Variants in EYS observed in about 807,000 individuals in gnomAD.
EYS encodes protein eyes shut homolog.
Under a neutral mutation model 282.1 loss-of-function variants are expected in EYS, and 250 were observed. That is an observed-to-expected ratio of 0.89 (90% CI 0.80 to 0.98). The LOEUF is 0.98. Among genes scored for constraint, EYS ranks in the 50% least tolerant of loss-of-function variants. EYS has a pLI of 0.00. For missense variants in EYS, 4,016 were observed against 3,709.0 expected, an observed-to-expected ratio of 1.08 and a Z score of -2.15; for synonymous variants, 1,355 against 1,282.9, an observed-to-expected ratio of 1.06 and a Z score of -1.20.
intron 22 of EYS, among the ~76,000 whole-genome samples, chr6:64,682,748 A>G (rs77197856): frequency 0.036 from 5,413 of 152,220 alleles, 158 homozygotes; most frequent in East Asian, 0.14. Context: ...GCCTTCACAT[A>G]CCCACTTGGA....
chr6:64,612,366 G>A lies in EYS; in HGVS notation c.3684+5052C>T, dbSNP rs867561723. Among the ~76,000 whole-genome samples, 5 of 152,198 alleles carry A rather than the reference G, an allele frequency of 3.3e-5. No individual in the cohort carries two copies. In the Middle Eastern group the frequency reaches 0.014, roughly 414 times the overall value. ...GCATGGAGATCAATCTTGTTTGGCA[G>A]AATTTCATTTACTGAGGAAGAAATG... On this transcript the variant is annotated intron_variant, in intron 24 of 42. Coordinates refer to ENST00000503581, the MANE Select transcript of EYS (RefSeq NM_001142800.2).
chr6:64,580,234 A>G (rs1766016439), intron 26 of EYS, among the ~76,000 whole-genome samples: 1 of 152,122 alleles, frequency 6.6e-6, no homozygotes, highest in Non-Finnish European at 1.5e-5. Flanking sequence ...TATGTCTATT[A>G]ACATATAACT....
chr6:65,703,360 T>C (rs1399214491), intron 1 of EYS, among the ~76,000 whole-genome samples: 1 of 152,152 alleles, frequency 6.6e-6, no homozygotes, highest in Non-Finnish European at 1.5e-5. Context: ...TAAGAAAATA[T>C]GTGAGCAATA....
intron 22 of EYS, among the ~76,000 whole-genome samples, chr6:64,682,697 A>G (rs556131931): frequency 6.6e-6 from 1 of 152,206 alleles, no homozygotes; most frequent in East Asian, 1.9e-4. Flanking sequence ...GAAAGAAGAC[A>G]GTCTGTGAAG....
At chr6:64,906,011 A>G (rs1767815618) in intron 16 of EYS, among the ~76,000 whole-genome samples, 1 of 151,644 alleles carries the variant, frequency 6.6e-6, no homozygotes, top group South Asian at 2.1e-4. Flanking sequence ...TCTTAATTAA[A>G]TAATCTAATT....
intron 23 of EYS, among the ~76,000 whole-genome samples, chr6:64,619,383 C>G (rs1767374737): frequency 6.6e-6 from 1 of 152,106 alleles, no homozygotes; most frequent in Non-Finnish European, 1.5e-5. Context: ...TTCAAGAGTA[C>G]TGCATAGGAG....
chr6:64,420,728 A>G (rs768622415), intron 28 of EYS, among the ~76,000 whole-genome samples: 5 of 152,172 alleles, frequency 3.3e-5, no homozygotes, highest in Non-Finnish European at 5.9e-5. Context: ...TTAAAGTTCC[A>G]CAGATCTCTT....
intron 31 of EYS, among the ~76,000 whole-genome samples, chr6:64,216,544 A>G (rs1260035692): frequency 6.6e-6 from 1 of 152,184 alleles, no homozygotes; most frequent in Non-Finnish European, 1.5e-5. Flanking sequence ...CTGCCTTCAC[A>G]ATCCTGCTAC....
intron 12 of EYS, among the ~76,000 whole-genome samples, chr6:65,197,415 G>T (rs951198016): frequency 6.6e-6 from 1 of 152,036 alleles, no homozygotes; most frequent in Non-Finnish European, 1.5e-5. Flanking sequence ...AGGGAGTTCT[G>T]GAAAGAGGAA....
chr6:65,515,140 A>G (rs1039149760), intron 2 of EYS, among the ~76,000 whole-genome samples: 7 of 152,202 alleles, frequency 4.6e-5, no homozygotes, highest in African/African-American at 1.4e-4. Context: ...GGACATGAAC[A>G]GACACTTCTC....
intron 12 of EYS, among the ~76,000 whole-genome samples, chr6:65,292,894 A>G (rs1314349479): frequency 6.6e-6 from 1 of 151,778 alleles, no homozygotes; most frequent in Non-Finnish European, 1.5e-5. Flanking sequence ...TGGAGAACAG[A>G]GTCATAAAGA....
In EYS at chr6:65,557,051, A is replaced by G. The variant is rs550540384; in HGVS notation, c.-332-61058T>C. ...AAGAGATTTTAGTCATTAAAAATGT[A>G]CAGATGGTATAGTTATGGTAAATTG... On this transcript the variant is annotated intron_variant, in intron 2 of 42. Coordinates refer to ENST00000503581, the MANE Select transcript of EYS (RefSeq NM_001142800.2). 6.6e-5 allele frequency among the ~76,000 whole-genome samples: 10 copies of G among 152,342 alleles called. No homozygotes were observed. The East Asian group carries it at 1.7e-3, about 26-fold the overall frequency.
In EYS at chr6:65,384,464, T is replaced by C. The variant is rs1765727318; in HGVS notation, c.1221A>G (p.Lys407=). 1.2e-6 allele frequency: 2 copies of C among 1,607,384 alleles called. No individual in the cohort carries two copies. Among genetic ancestry groups the C allele is most frequent in the Non-Finnish European group, 1.7e-6 (2 of 1,175,956 alleles). Residue 407 remains lysine, a synonymous_variant, in exon 8 of 43, where the codon AAA becomes AAG. Coordinates refer to ENST00000503581, the MANE Select transcript of EYS (RefSeq NM_001142800.2). ...TGAGCAGTTTACAGTGGTCAATTGC[T>C]TTCTCACAGTTTTTTTCAGTAAATC... is the stretch of plus-strand genomic sequence containing the variant. ...ISGFTEKNCE[K]AIDHCKLLSI...
At chr6:65,545,339 T>G (rs1768344848) in intron 2 of EYS, among the ~76,000 whole-genome samples, 1 of 152,126 alleles carries the variant, frequency 6.6e-6, no homozygotes, top group South Asian at 2.1e-4. Context: ...CTTGGTTTAG[T>G]ACTACAGATT....
chr6:65,481,402 C>G (rs1361307970), intron 5 of EYS, among the ~76,000 whole-genome samples: 1 of 152,084 alleles, frequency 6.6e-6, no homozygotes, highest in African/African-American at 2.4e-5. Context: ...AATCAATTTA[C>G]ACTCTCATTT....
chr6:63,794,966 A>G (rs1044906315), intron 37 of EYS, among the ~76,000 whole-genome samples: 4 of 152,216 alleles, frequency 2.6e-5, no homozygotes, highest in Admixed American at 2.6e-4. Flanking sequence ...TATGTTGTGC[A>G]AGTAGTAAAA....
intron 16 of EYS, among the ~76,000 whole-genome samples, chr6:64,906,061 AC>A (rs1416493880): frequency 6.6e-6 from 1 of 151,380 alleles, no homozygotes; most frequent in Non-Finnish European, 1.5e-5. Context: ...AAACAAAAAA[AC>A]ACCTCAGAAG....
chr6:64,557,217 T>TAC (rs3994994), intron 26 of EYS, among the ~76,000 whole-genome samples: 27,242 of 147,672 alleles, frequency 0.18, 2,944 homozygotes, highest in East Asian at 0.26. Flanking sequence ...CACACACACA[T>TAC]ACACACACAC....
intron 36 of EYS, among the ~76,000 whole-genome samples, chr6:63,814,037 T>C (rs1191042944): frequency 6.6e-6 from 1 of 152,192 alleles, no homozygotes; most frequent in Non-Finnish European, 1.5e-5. Context: ...GTTCTTAACT[T>C]CTTAGTAACA....
Sources: allele counts gnomAD v4.1 joint callset (sites outside exome capture counted in the v4.1 genomes callset), GRCh38; gene constraint gnomAD v4.1.1; transcripts MANE v1.5; gene names NCBI Gene and HGNC (gene_info 2026-07-23, HGNC 2026-07-21).